MYO18B: variants seen among roughly 807,000 people sequenced by gnomAD.
MYO18B encodes myosin XVIIIB, also known as unconventional myosin-XVIIIb.
A neutral mutation model predicts 273.0 loss-of-function variants in MYO18B; 204 were observed. The ratio of observed to expected loss-of-function variants is 0.75; its 90% CI spans 0.67 to 0.84. The LOEUF is 0.84. Among genes scored for constraint, MYO18B ranks in the 40% least tolerant of loss-of-function variants. MYO18B has a pLI of 0.00. For synonymous variants in MYO18B, 1,330 were observed against 1,305.7 expected (o/e 1.02, Z -0.40); for missense variants, 3,212 against 3,287.6 (o/e 0.98, Z 0.56).
intron 39 of MYO18B, among the ~76,000 whole-genome samples, chr22:25,984,456 G>A (rs1158562906): frequency 1.3e-5 from 2 of 152,118 alleles, no homozygotes; most frequent in Non-Finnish European, 2.9e-5. Context: ...TCTTCTTTGA[G>A]GATTTGAATA....
chr22:25,900,717 G>C (rs1011185773), intron 29 of MYO18B: 1 of 152,530 alleles, frequency 6.6e-6, no homozygotes, highest in Non-Finnish European at 1.5e-5. Flanking sequence ...AGTGTGGGCT[G>C]TTTGCTAGGA....
intron 8 of MYO18B, among the ~76,000 whole-genome samples, chr22:25,779,309 G>A (rs2145648344): frequency 6.6e-6 from 1 of 152,204 alleles, no homozygotes; most frequent in East Asian, 1.9e-4. Context: ...TGGTCCTCAT[G>A]ACAGCCACAT....
At chr22:25,861,164 G>A (rs545895747) in intron 21 of MYO18B, among the ~76,000 whole-genome samples, 6 of 152,190 alleles carry the variant, frequency 3.9e-5, no homozygotes, top group South Asian at 2.1e-4. Flanking sequence ...GATAACAGGC[G>A]TGAGCCACTG....
At chr22:25,994,789 C>G (rs34145275) in intron 40 of MYO18B, among the ~76,000 whole-genome samples, 1 of 152,222 alleles carries the variant, frequency 6.6e-6, no homozygotes, top group African/African-American at 2.4e-5. Flanking sequence ...GATGCTTGGG[C>G]TGGCTTCTCC....
At chr22:25,760,031 C>T (rs2086252379) in intron 1 of MYO18B, among the ~76,000 whole-genome samples, 1 of 152,152 alleles carries the variant, frequency 6.6e-6, no homozygotes, top group South Asian at 2.1e-4. Context: ...TTGAGAGCTA[C>T]AGTTTCCTGC....
At chr22:25,821,955 A>G (rs969405541) in intron 12 of MYO18B, among the ~76,000 whole-genome samples, 1 of 152,252 alleles carries the variant, frequency 6.6e-6, no homozygotes, top group African/African-American at 2.4e-5. Context: ...GCAGTTTAGA[A>G]TGATTTGCAC....
At chr22:26,063,098 G>A in the MYO18B span, among the ~76,000 whole-genome samples, 10 of 152,210 alleles carry the variant, frequency 6.6e-5, no homozygotes, top group Middle Eastern at 3.4e-3. Context: ...CTGTTACACC[G>A]TTCCAACACC....
intron 12 of MYO18B, among the ~76,000 whole-genome samples, chr22:25,822,818 A>G (rs950460355): frequency 3.9e-5 from 6 of 152,372 alleles, no homozygotes; most frequent in Non-Finnish European, 7.3e-5. Context: ...AAGCTGGGAA[A>G]CGTGACTGGG....
chr22:25,794,954 T>C (rs1443717666), intron 11 of MYO18B, among the ~76,000 whole-genome samples: 1 of 152,248 alleles, frequency 6.6e-6, no homozygotes, highest in Admixed American at 6.5e-5. Flanking sequence ...TCTCAACTTC[T>C]CTTACCATGT....
chr22:25,836,014 G>A (rs571848423), intron 17 of MYO18B, among the ~76,000 whole-genome samples: 21 of 152,346 alleles, frequency 1.4e-4, no homozygotes, highest in Admixed American at 7.8e-4. Context: ...ATGGTAGGAA[G>A]GCAGGTGGTC....
the MYO18B span, among the ~76,000 whole-genome samples, chr22:26,036,056 T>C: frequency 6.6e-6 from 1 of 152,088 alleles, no homozygotes; most frequent in African/African-American, 2.4e-5. Flanking sequence ...CTCCCAAAGA[T>C]TGTACATAGG....
chr22:25,788,783 A>G (rs2087509380), intron 11 of MYO18B, among the ~76,000 whole-genome samples: 3 of 152,078 alleles, frequency 2.0e-5, no homozygotes, highest in Admixed American at 1.3e-4. Context: ...CATCTGTAAC[A>G]GCTGGTTCCA....
chr22:25,826,562 A>G lies in MYO18B; in HGVS notation c.2786+63A>G, dbSNP rs1056330611. ...TGCAGGTGCACAGATGAATTCACAT[A>G]CCGGGCAGTTGAACAAAGTGGCAGT... On this transcript the variant is annotated intron_variant, in intron 14 of 43. Transcript: ENST00000335473. 40 of 1,446,404 alleles carry G rather than the reference A, an allele frequency of 2.8e-5. No individual in the cohort carries two copies. The African/African-American group carries it at 4.9e-4, about 18-fold the overall frequency. 89.6% of individuals were successfully genotyped at this position (1,446,404 alleles called of 1,614,324 possible).
In MYO18B at chr22:25,834,304, AC is replaced by A. The variant is rs372206612; in HGVS notation, c.3061-989del. 1.4e-3 allele frequency among the ~76,000 whole-genome samples: 214 copies of A among 151,578 alleles called. 1 individual carries two copies. Among genetic ancestry groups the A allele is most frequent in the African/African-American group, 4.9e-3 (204 of 41,306 alleles). On this transcript the variant is annotated intron_variant, in intron 16 of 43. Coordinates refer to ENST00000335473, the MANE Select transcript of MYO18B (RefSeq NM_032608.7). ...TGGGATTACAGGCATGCACCACCAC[AC>A]CCACCCTTAACAACTATTTTCTGAG... is the stretch of plus-strand genomic sequence containing the variant.
chr22:25,976,801 C>T lies in MYO18B; in HGVS notation c.6157-15562C>T, dbSNP rs554399925. Among the ~76,000 whole-genome samples, 22 of 152,152 alleles carry T rather than the reference C, an allele frequency of 1.4e-4. 1 individual carries two copies. The South Asian group carries it at 3.3e-3, about 23-fold the overall frequency. On this transcript the variant is annotated intron_variant, in intron 39 of 43. Transcript: ENST00000335473. ...GACTATTGATGAGGCTTGATTTGCC[C>T]GAGAGGGATTGTTTCCCCCTTCTTA...
intron 22 of MYO18B, 34 bp from the exon 23 acceptor site, chr22:25,874,252 C>A (rs1488627797): frequency 1.2e-6 from 2 of 1,612,464 alleles, no homozygotes; most frequent in Admixed American, 3.3e-5. Context: ...CCTTCTTCAG[C>A]AGAGGACTCA....
chr22:25,769,128 C>A lies in MYO18B; in HGVS notation c.1212C>A (p.Asn404Lys). The A allele has an allele frequency of 6.2e-7, 1 of 1,613,570 alleles. No individual in the cohort carries two copies. The highest frequency in any genetic ancestry group is 1.1e-5 in the South Asian group (1 of 90,932). Residue 404 changes from asparagine to lysine, a missense_variant, in exon 4 of 44, where the codon AAC (asparagine) becomes AAA (lysine). Asn to Lys is a moderately conservative substitution (Grantham distance 94). Transcript: ENST00000335473. Reference protein sequence around the residue: ...KMGQPQGKSGNAGEARSQTEK... With the variant: ...KMGQPQGKSGKAGEARSQTEK... ...GGCAACCCCAGGGTAAGTCCGGGAACGCAGGTGAAGCTCGGAGTCAGACAG... is the reference window on the plus strand; with the variant it reads ...GGCAACCCCAGGGTAAGTCCGGGAAAGCAGGTGAAGCTCGGAGTCAGACAG...
intron 10 of MYO18B, among the ~76,000 whole-genome samples, chr22:25,782,991 C>T (rs2145672630): frequency 6.6e-6 from 1 of 152,336 alleles, no homozygotes; most frequent in South Asian, 2.1e-4. Context: ...GAGCTAATGA[C>T]TTCACCTCTC....
intron 43 of MYO18B, among the ~76,000 whole-genome samples, chr22:26,029,221 T>C (rs16981234): frequency 0.09 from 13,744 of 152,216 alleles, 681 homozygotes; most frequent in Middle Eastern, 0.15. Flanking sequence ...TCTCAGAACT[T>C]GCTGCAGCTC....
Sources: allele counts gnomAD v4.1 joint callset (sites outside exome capture counted in the v4.1 genomes callset), GRCh38; gene constraint gnomAD v4.1.1; transcripts MANE v1.5; gene names NCBI Gene and HGNC (gene_info 2026-07-23, HGNC 2026-07-21).